The following AQP9 variants were observed in gnomAD, a reference collection of about 807,000 sequenced individuals.
AQP9 encodes the protein aquaporin-9.
Under a neutral mutation model 23.8 loss-of-function variants are expected in AQP9, and 19 were observed. That is an observed-to-expected ratio of 0.80 (90% CI 0.56 to 1.17). The LOEUF (loss-of-function observed/expected upper bound fraction) is 1.17. AQP9 is among the 50% of genes most tolerant of loss of function. AQP9 has a pLI of 0.00. For synonymous variants in AQP9, 153 were observed against 131.5 expected (o/e 1.16, Z -1.12); for missense variants, 413 against 362.0 (o/e 1.14, Z -1.14).
At chr15:58,144,143 T>C (rs1897998330) in intron 1 of AQP9, among the ~76,000 whole-genome samples, 2 of 152,220 alleles carry the variant, frequency 1.3e-5, no homozygotes, top group South Asian at 4.1e-4. Flanking sequence ...GATTACAGCC[T>C]CTGCACCTTT....
Position 58,179,130 on chromosome 15 carries a change from G to T in AQP9, c.498G>T (p.Val166=). 2 of 1,607,616 alleles carry T rather than the reference G, an allele frequency of 1.2e-6. No homozygotes were observed. Among genetic ancestry groups the T allele is most frequent in the Non-Finnish European group, 1.7e-6 (2 of 1,174,024 alleles). The change falls in exon 5 of 6, where the codon GTG becomes GTT. Residue 166 remains valine (V), a splice_region_variant and synonymous_variant. Coordinates refer to ENST00000219919, the MANE Select transcript of AQP9 (RefSeq NM_020980.5). ...LSLANAFADQ[V]VATMILLIIV... The stretch of plus-strand genomic sequence containing the variant: ...TGGCTCAACTTCTCCCTCTCCAGGT[G>T]GTGGCCACCATGATACTCCTCATAA...
chr15:58,147,654 A>G (rs1898071989), intron 1 of AQP9, among the ~76,000 whole-genome samples: 1 of 152,140 alleles, frequency 6.6e-6, no homozygotes, highest in African/African-American at 2.4e-5. Flanking sequence ...CTCTCAGCGC[A>G]CATGCCTTAG....
chr15:58,140,801 A>G (rs1555411080), intron 1 of AQP9, among the ~76,000 whole-genome samples: 1 of 151,652 alleles, frequency 6.6e-6, no homozygotes, highest in Non-Finnish European at 1.5e-5. Context: ...GTCTGGTTCT[A>G]TTTTTTTTCC....
intron 2 of AQP9, among the ~76,000 whole-genome samples, chr15:58,171,732 C>T (rs1898626867): frequency 6.6e-6 from 1 of 152,220 alleles, no homozygotes; most frequent in Admixed American, 6.5e-5. Context: ...CCCCCACCCA[C>T]TGCAAGTCCA....
At chr15:58,156,880 T>C (rs1898273592) in intron 1 of AQP9, among the ~76,000 whole-genome samples, 1 of 152,156 alleles carries the variant, frequency 6.6e-6, no homozygotes, top group African/African-American at 2.4e-5. Context: ...AAGTTATTGC[T>C]ATCAGGTGCG....
intron 1 of AQP9, among the ~76,000 whole-genome samples, chr15:58,140,220 CA>C (rs1303325347): frequency 6.7e-6 from 1 of 148,150 alleles, no homozygotes; most frequent in African/African-American, 2.5e-5. Context: ...TTTTTGCAAC[CA>C]AAAAGTTTAA....
At chr15:58,156,961 G>A (rs1340331449) in intron 1 of AQP9, among the ~76,000 whole-genome samples, 1 of 152,132 alleles carries the variant, frequency 6.6e-6, no homozygotes. Flanking sequence ...ATGGAAACAG[G>A]AGCACTTTCC....
intron 5 of AQP9, 82 bp downstream of exon 5, chr15:58,179,427 G>A (rs17821117): frequency 0.16 from 205,746 of 1,326,656 alleles, 17,477 homozygotes; most frequent in Non-Finnish European, 0.17. Flanking sequence ...TGGAGATCCA[G>A]GGAAGTTCAG....
At chr15:58,140,197 C>CT (rs67540225) in intron 1 of AQP9, among the ~76,000 whole-genome samples, 1,596 of 131,646 alleles carry the variant, frequency 0.012, 16 homozygotes, top group East Asian at 0.071. Flanking sequence ...AACTACACAT[C>CT]TTTTTTTTTT....
In AQP9 at chr15:58,179,968, G is replaced by C. The variant is rs544325812; in HGVS notation, c.713+623G>C. Among the ~76,000 whole-genome samples the C allele has an allele frequency of 1.2e-4, 19 of 152,304 alleles. No homozygotes were observed. In the South Asian group the frequency reaches 3.7e-3, roughly 30 times the overall value. On this transcript the variant is annotated intron_variant, in intron 5 of 5. Coordinates refer to ENST00000219919, the MANE Select transcript of AQP9 (RefSeq NM_020980.5). ...GACTGCAAATGTGAGAGCTGACTTG[G>C]TTCTGGAGATATGAGTAAGAACTTC...
chr15:58,165,319 G>A (rs1898474409), intron 1 of AQP9, among the ~76,000 whole-genome samples: 1 of 152,154 alleles, frequency 6.6e-6, no homozygotes, highest in South Asian at 2.1e-4. Flanking sequence ...AATGGACTGT[G>A]ATTAAATGGT....
At position 58,172,070 on chromosome 15, in the gene AQP9, A is replaced by G. The variant is rs531007566; in HGVS notation, c.239-998A>G. ...ATTTTTCTGCCCACAAAAGCAGAGAAGCCTTTATAAACACGGTGAAGATGG... is the reference window on the plus strand; with the variant it reads ...ATTTTTCTGCCCACAAAAGCAGAGAGGCCTTTATAAACACGGTGAAGATGG... On this transcript the variant is annotated intron_variant, in intron 2 of 5. Coordinates refer to ENST00000219919, the MANE Select transcript of AQP9 (RefSeq NM_020980.5). 1.2e-4 allele frequency among the ~76,000 whole-genome samples: 19 copies of G among 152,362 alleles called. No homozygotes were observed. In the South Asian group the frequency reaches 3.7e-3, roughly 30 times the overall value.
intron 2 of AQP9, 53 bp from the exon 3 acceptor site, chr15:58,173,015 T>C (rs2140625437): frequency 6.2e-7 from 1 of 1,607,686 alleles, no homozygotes; most frequent in East Asian, 2.2e-5. Flanking sequence ...GATGGTTTTC[T>C]GTATATTCTT....
intron 1 of AQP9, among the ~76,000 whole-genome samples, chr15:58,164,992 T>G (rs1271629509): frequency 6.6e-6 from 1 of 152,186 alleles, no homozygotes; most frequent in Non-Finnish European, 1.5e-5. Context: ...GCCTTCACAT[T>G]GTTAATCTCT....
chr15:58,182,348 G>T (rs950803505), intron 5 of AQP9, among the ~76,000 whole-genome samples: 1 of 152,130 alleles, frequency 6.6e-6, no homozygotes, highest in Non-Finnish European at 1.5e-5. Flanking sequence ...CACTATTTGT[G>T]TGCATATAGG....
At chr15:58,174,496 A>T (rs1345827774) in intron 3 of AQP9, among the ~76,000 whole-genome samples, 1 of 152,168 alleles carries the variant, frequency 6.6e-6, no homozygotes, top group African/African-American at 2.4e-5. Context: ...CTCTAAGGGC[A>T]TCTTCAGTAT....
chr15:58,139,191 C>A (rs1897911070), intron 1 of AQP9, among the ~76,000 whole-genome samples: 1 of 152,152 alleles, frequency 6.6e-6, no homozygotes, highest in Non-Finnish European at 1.5e-5. Context: ...TTAAAAATTG[C>A]ACTAGGTAGA....
intron 2 of AQP9, among the ~76,000 whole-genome samples, chr15:58,167,230 C>T (rs1459054580): frequency 1.3e-5 from 2 of 152,202 alleles, no homozygotes; most frequent in African/African-American, 4.8e-5. Flanking sequence ...ATGGATGGTG[C>T]TTTCATGGAC....
rs146255465 is a variant in AQP9, at chr15:58,167,440, T to C, written c.238+641T>C. On this transcript the variant is annotated intron_variant, in intron 2 of 5. Transcript: ENST00000219919. ...CAGCCTGGTGTGGGTCCTCAGAGCA[T>C]TGAGTCAAGACTTGGTGAGAAGAGA... Among the ~76,000 whole-genome samples the C allele has an allele frequency of 3.4e-3, 511 of 152,270 alleles. 1 individual carries two copies. Among genetic ancestry groups the C allele is most frequent in the African/African-American group, 0.012 (482 of 41,558 alleles).
Sources: allele counts gnomAD v4.1 joint callset (sites outside exome capture counted in the v4.1 genomes callset), GRCh38; gene constraint gnomAD v4.1.1; transcripts MANE v1.5; gene names NCBI Gene and HGNC (gene_info 2026-07-23, HGNC 2026-07-21).